The following GTPBP6 variants were observed in gnomAD, a reference collection of about 807,000 sequenced individuals.
The protein encoded by GTPBP6 is putative GTP-binding protein 6.
Under a neutral mutation model 28.9 loss-of-function variants are expected in GTPBP6, and 33 were observed. The observed-to-expected ratio is 1.14, with a 90% CI of 0.87 to 1.53. GTPBP6 has a LOEUF of 1.53. GTPBP6 is among the 40% of genes most tolerant of loss of function. The pLI, the probability that GTPBP6 is intolerant of heterozygous loss-of-function variation, is 0.00. For missense variants in GTPBP6, 507 were observed against 408.3 expected (o/e 1.24, Z -2.08); for synonymous variants, 231 against 192.7 (o/e 1.20, Z -1.65).
At chrX:307,845 G>C (rs748041843) in exon 8 of GTPBP6, 4 of 1,543,530 alleles carry the variant, frequency 2.6e-6, no homozygotes, top group South Asian at 1.2e-5. Flanking sequence ...GCTCCGCCTC[G>C]GGGTGGCTGA....
At chrX:314,514 C>G (rs2070389267) in intron 4 of GTPBP6, among the ~76,000 whole-genome samples, 1 of 151,572 alleles carries the variant, frequency 6.6e-6, no homozygotes, top group African/African-American at 2.4e-5. Flanking sequence ...GCTCTGTCAC[C>G]CAGGCTGGAG....
At chrX:315,543 T>G (rs1464232182) in intron 2 of GTPBP6, among the ~76,000 whole-genome samples, 16 of 63,468 alleles carry the variant, frequency 2.5e-4, no homozygotes, top group African/African-American at 9.3e-4. Context: ...CACAAACACA[T>G]ACACACGCAG....
chrX:311,486 A>G (rs1406737721), exon 7 of GTPBP6: 1 of 1,606,526 alleles, frequency 6.2e-7, no homozygotes, highest in Non-Finnish European at 8.5e-7. Context: ...CTGGGAGAGG[A>G]AGCCGATGGT....
At chrX:310,914 G>A (rs761481365) in intron 7 of GTPBP6, among the ~76,000 whole-genome samples, 3 of 146,470 alleles carry the variant, frequency 2.0e-5, no homozygotes, top group South Asian at 2.4e-4. Context: ...GCCACTGCCC[G>A]CACGTCTGTG....
intron 6 of GTPBP6, chrX:311,836 C>T (rs1372258892): frequency 3.5e-5 from 21 of 605,726 alleles, no homozygotes; most frequent in Non-Finnish European, 5.6e-5. Flanking sequence ...GGAGCGGGGC[C>T]GCCGTGCGGA....
intron 9 of GTPBP6, among the ~76,000 whole-genome samples, chrX:305,983 A>G (rs758102757): frequency 6.6e-6 from 1 of 151,408 alleles, no homozygotes; most frequent in East Asian, 2.0e-4. Flanking sequence ...CCTGGCCTCA[A>G]ACTCCTCTCA....
In GTPBP6 at chrX:305,404, C is replaced by G. The variant is rs2070137840; in HGVS notation, c.1428-207G>C. On this transcript the variant is annotated intron_variant, in intron 9 of 9. Coordinates refer to ENST00000326153, the Ensembl canonical transcript of GTPBP6. ...TGGCGCGATCTCAGCTCACTGCAAG[C>G]TCCACCTCCCGGGTTCAAGTGATTC... is the stretch of plus-strand genomic sequence containing the variant. Among the ~76,000 whole-genome samples, 3 of 150,588 alleles carry G rather than the reference C, an allele frequency of 2.0e-5. No individual in the cohort carries two copies. The South Asian group carries it at 6.3e-4, about 32-fold the overall frequency.
At position 314,196 on chromosome X, in the gene GTPBP6, G is replaced by A. The variant is rs201272017; in HGVS notation, c.711C>T (p.Val237=). ...AGCCGACTCCTCGGTACAGGTGGGC[G>A]ACGTCCCTTTTCAAGTTCGACCTGG... The change falls in exon 5 of 10, where the codon GTC becomes GTT. Residue 237 remains valine, a synonymous_variant. Transcript: ENST00000326153. The A allele has an allele frequency of 8.1e-4, 1,307 of 1,613,548 alleles. 3 individuals are homozygous for A. The highest frequency in any genetic ancestry group is 1.0e-3 in the Non-Finnish European group (1,218 of 1,179,530).
chrX:316,939 G>A (rs1423243741), exon 2 of GTPBP6: 3 of 398,544 alleles, frequency 7.5e-6, no homozygotes, highest in East Asian at 7.1e-5. Context: ...AGTTCCCTTT[G>A]CCAAAGATGA....
rs780417578 is a variant in GTPBP6 at position 306,318 on chromosome X, T to A, written c.1427+1042A>T. 1.8e-3 allele frequency among the ~76,000 whole-genome samples: 267 copies of A among 151,122 alleles called. 1 individual carries two copies. Among genetic ancestry groups the A allele is most frequent in the Non-Finnish European group, 2.5e-3 (169 of 67,858 alleles). ...GTATGCACAGTCAGAAATGTACATT[T>A]TGACTGTCAGTGCAGATTAGGCACC... On this transcript the variant is annotated intron_variant, in intron 9 of 9. Coordinates refer to ENST00000326153, the Ensembl canonical transcript of GTPBP6.
rs1468166174 is a variant in GTPBP6 at position 312,468 on chromosome X, A to AG, written c.916+297dup. ...CAGGAGGATGGTGTAGATGGAGGGG[A>AG]GATTGTGGTATAGACAGGGTGGTAA... On this transcript the variant is annotated intron_variant, in intron 6 of 9. Transcript: ENST00000326153. 4 of 432,380 alleles carry AG rather than the reference A, an allele frequency of 9.3e-6. No individual in the cohort carries two copies. In the Admixed American group the frequency reaches 1.1e-4, roughly 12 times the overall value. The allele number at this position is 432,380 out of a possible 1,614,324, so 26.8% of individuals were successfully genotyped here. A position where few individuals can be genotyped will look rare whatever the true frequency, so the allele number is the denominator to read the frequency against.
intron 9 of GTPBP6, among the ~76,000 whole-genome samples, chrX:307,114 G>A (rs1482757901): frequency 6.6e-6 from 1 of 151,694 alleles, no homozygotes; most frequent in Admixed American, 6.6e-5. Flanking sequence ...TTGACTGTCA[G>A]CACAGATTAG....
At chrX:308,363 A>C (rs891230520) in intron 7 of GTPBP6, among the ~76,000 whole-genome samples, 2 of 152,228 alleles carry the variant, frequency 1.3e-5, no homozygotes, top group African/African-American at 4.8e-5. Context: ...GTAATTCTCC[A>C]ACTTATACTA....
intron 2 of GTPBP6, among the ~76,000 whole-genome samples, chrX:316,603 G>A (rs1446320751): frequency 0.014 from 2,063 of 152,290 alleles, 48 homozygotes; most frequent in African/African-American, 0.047. Flanking sequence ...TTTGGCTGGG[G>A]CCTGCAGGGG....
chrX:316,207 A>G (rs1216689963), intron 2 of GTPBP6, among the ~76,000 whole-genome samples: 1 of 17,044 alleles, frequency 5.9e-5, no homozygotes, highest in Non-Finnish European at 1.4e-4. Flanking sequence ...GACACACACA[A>G]ACACAGTAAA....
intron 5 of GTPBP6, among the ~76,000 whole-genome samples, chrX:313,611 C>T (rs1036725299): frequency 1.8e-4 from 27 of 152,214 alleles, no homozygotes; most frequent in African/African-American, 4.1e-4. Flanking sequence ...TCTAGAGATG[C>T]GACGATTCTG....
At chrX:305,953 G>A (rs778537167) in intron 9 of GTPBP6, among the ~76,000 whole-genome samples, 4 of 151,728 alleles carry the variant, frequency 2.6e-5, no homozygotes, top group African/African-American at 9.7e-5. Flanking sequence ...GTAGAGATGG[G>A]GTCTCACCAT....
intron 9 of GTPBP6, 98 bp downstream of exon 9, chrX:307,262 A>G: frequency 9.2e-7 from 1 of 1,087,146 alleles, no homozygotes. Context: ...GCTCTCGGGG[A>G]TCTCACAGCT....
chrX:316,820 G>A (rs1449339430), intron 2 of GTPBP6, 94 bp downstream of exon 2: 3 of 398,934 alleles, frequency 7.5e-6, no homozygotes, highest in Non-Finnish European at 1.3e-5. Flanking sequence ...GGCCCCGCAA[G>A]ACCCCCGTAC....
Sources: allele counts gnomAD v4.1 joint callset (sites outside exome capture counted in the v4.1 genomes callset), GRCh38; gene constraint gnomAD v4.1.1; transcripts MANE v1.5; gene names NCBI Gene and HGNC (gene_info 2026-07-23, HGNC 2026-07-21).